Variants in RALB observed in about 807,000 individuals in gnomAD.
RALB encodes ras-related protein Ral-B.
A neutral mutation model predicts 21.3 loss-of-function variants in RALB; 16 were observed. The ratio of observed to expected loss-of-function variants is 0.75; its 90% CI spans 0.51 to 1.14. The LOEUF (loss-of-function observed/expected upper bound fraction) is 1.14, where lower values mean the gene tolerates loss of function less well. RALB is among the 50% of genes most tolerant of loss of function. RALB has a pLI of 0.00. For synonymous variants in RALB, 93 were observed against 96.1 expected, an observed-to-expected ratio of 0.97 and a Z score of 0.19; for missense variants, 161 against 256.2, an observed-to-expected ratio of 0.63 and a Z score of 2.54.
chr2:120,244,616 T>TCATCCATCCATCCATC (rs60555914), intron 1 of RALB, among the ~76,000 whole-genome samples: 1 of 152,060 alleles, frequency 6.6e-6, no homozygotes, highest in African/African-American at 2.4e-5. Flanking sequence ...AGCCATTCCC[T>TCATCCATCCATCCATC]CATCCATCCA....
At chr2:120,256,096 T>TTC (rs60370810) in intron 1 of RALB, among the ~76,000 whole-genome samples, 104,987 of 151,412 alleles carry the variant, frequency 0.69, 36,962 homozygotes, top group Middle Eastern at 0.8. Context: ...GTTTCTGAAG[T>TTC]TGAAATCTGG....
At chr2:120,284,502 G>C (rs2104651674) in intron 2 of RALB, among the ~76,000 whole-genome samples, 1 of 152,184 alleles carries the variant, frequency 6.6e-6, no homozygotes, top group East Asian at 1.9e-4. Flanking sequence ...AGGTTCAAGT[G>C]ATTCTCCTGC....
rs570144290 is a variant in RALB at position 120,273,182 on chromosome 2, A to G, written c.-47-5436A>G. Among the ~76,000 whole-genome samples, 8 of 152,152 alleles carry G rather than the reference A, an allele frequency of 5.3e-5. No homozygotes were observed. In the East Asian group the frequency reaches 1.2e-3, roughly 22 times the overall value. ...GTCAAATCAGTCTCCCTAAAGGCTCAGAGTTTAGAGTTTTTCAAGGATGTT... is the reference window on the plus strand; with the variant it reads ...GTCAAATCAGTCTCCCTAAAGGCTCGGAGTTTAGAGTTTTTCAAGGATGTT... On this transcript the variant is annotated intron_variant, in intron 1 of 4. Transcript: ENST00000272519.
intron 1 of RALB, among the ~76,000 whole-genome samples, chr2:120,273,646 A>G (rs1051308675): frequency 6.6e-6 from 1 of 152,240 alleles, no homozygotes; most frequent in African/African-American, 2.4e-5. Flanking sequence ...AATTCCTCTC[A>G]GGGTTGGTGT....
intron 2 of RALB, among the ~76,000 whole-genome samples, chr2:120,280,301 A>G (rs149980583): frequency 1.3e-5 from 2 of 152,308 alleles, no homozygotes; most frequent in African/African-American, 4.8e-5. Context: ...CATGGAACCA[A>G]CCCAAATGCC....
chr2:120,256,561 T>G (rs1422367978), intron 1 of RALB, among the ~76,000 whole-genome samples: 1 of 152,168 alleles, frequency 6.6e-6, no homozygotes, highest in African/African-American at 2.4e-5. Context: ...GCATTTCCCC[T>G]GCTGGCACTC....
chr2:120,259,917 G>A (rs1303035523), intron 1 of RALB, among the ~76,000 whole-genome samples: 1 of 152,226 alleles, frequency 6.6e-6, no homozygotes, highest in South Asian at 2.1e-4. Flanking sequence ...GCCAAGGCCC[G>A]GCGAGAAATC....
chr2:120,242,676 T>C (rs550615873), intron 1 of RALB, among the ~76,000 whole-genome samples: 26 of 152,258 alleles, frequency 1.7e-4, no homozygotes, highest in African/African-American at 6.0e-4. Flanking sequence ...AGGCAGAGCT[T>C]GCCGTGAGCT....
rs191218189 is a variant in RALB, at chr2:120,254,948, A to G, written c.-48+1968A>G. On this transcript the variant is annotated intron_variant, in intron 1 of 4. Coordinates refer to ENST00000272519, the MANE Select transcript of RALB (RefSeq NM_002881.3). Reference sequence around the variant, plus strand: ...ACCTTGGCCTCTCAAAGTGCTGGGGATCACAGGTGTGAGCCACCCCGTCTG... The same window carrying G: ...ACCTTGGCCTCTCAAAGTGCTGGGGGTCACAGGTGTGAGCCACCCCGTCTG... Among the ~76,000 whole-genome samples the G allele has an allele frequency of 6.7e-4, 102 of 152,330 alleles. 1 individual carries two copies. Among genetic ancestry groups the G allele is most frequent in the African/African-American group, 2.3e-3 (95 of 41,564 alleles).
In RALB at chr2:120,293,293, T is replaced by TA. The variant is rs749502162; in HGVS notation, c.*35dup. 2 of 1,596,942 alleles carry TA rather than the reference T, an allele frequency of 1.3e-6. No homozygotes were observed. The highest frequency in any genetic ancestry group is 1.7e-6 in the Non-Finnish European group (2 of 1,171,144). ...GGTGACGGATGAAGCCAGCTGCTCC[T>TA]AAGGACACAGGGCTGGGTTGGTAAA... is the stretch of plus-strand genomic sequence containing the variant. On this transcript the variant is annotated 3_prime_UTR_variant, in exon 5 of 5. Transcript: ENST00000272519.
intron 3 of RALB, 128 bp downstream of exon 3, chr2:120,286,210 C>T: frequency 4.2e-6 from 3 of 715,008 alleles, no homozygotes; most frequent in South Asian, 3.7e-5. Flanking sequence ...AGGAATAATT[C>T]TGTCTAAAGA....
At chr2:120,273,001 CAGTT>C (rs1213189341) in intron 1 of RALB, among the ~76,000 whole-genome samples, 4 of 152,324 alleles carry the variant, frequency 2.6e-5, no homozygotes, top group African/African-American at 2.4e-5. Flanking sequence ...GTGGCTTAAA[CAGTT>C]AGAAGTTTCT....
At chr2:120,259,817 G>A (rs1689310750) in intron 1 of RALB, among the ~76,000 whole-genome samples, 2 of 152,234 alleles carry the variant, frequency 1.3e-5, no homozygotes, top group African/African-American at 4.8e-5. Flanking sequence ...GCTCGTCGGG[G>A]AGGCTCGGGC....
intron 2 of RALB, among the ~76,000 whole-genome samples, chr2:120,282,438 A>G (rs918519875): frequency 4.6e-5 from 7 of 151,272 alleles, no homozygotes; most frequent in African/African-American, 1.5e-4. Context: ...AGATCGCACC[A>G]TTGCATTCCA....
At chr2:120,262,015 C>T (rs1241430674) in intron 1 of RALB, among the ~76,000 whole-genome samples, 2 of 152,054 alleles carry the variant, frequency 1.3e-5, no homozygotes, top group Non-Finnish European at 2.9e-5. Flanking sequence ...TTGAGAGGGG[C>T]CGAGCTTGGC....
intron 1 of RALB, among the ~76,000 whole-genome samples, chr2:120,265,526 T>G (rs953206197): frequency 2.6e-5 from 4 of 152,226 alleles, no homozygotes; most frequent in African/African-American, 9.6e-5. Flanking sequence ...GCCTATGCAT[T>G]TTTCTCCCTC....
chr2:120,253,403 C>G (rs1689112120), intron 1 of RALB: 4 of 985,468 alleles, frequency 4.1e-6, no homozygotes, highest in Non-Finnish European at 4.8e-6. Flanking sequence ...AACTTGCACG[C>G]GCCGTGAACT....
intron 1 of RALB, among the ~76,000 whole-genome samples, chr2:120,254,440 C>G (rs1297150705): frequency 6.6e-6 from 1 of 152,166 alleles, no homozygotes; most frequent in Non-Finnish European, 1.5e-5. Context: ...CCAGATTTCC[C>G]TCTGCCCGAG....
At chr2:120,257,291 A>G (rs995336538) in intron 1 of RALB, among the ~76,000 whole-genome samples, 2 of 152,206 alleles carry the variant, frequency 1.3e-5, no homozygotes, top group Non-Finnish European at 2.9e-5. Context: ...TTATTTTAAA[A>G]CTTTGGATAC....
Sources: gnomAD v4.1 joint callset for allele counts (sites outside exome capture counted in the v4.1 genomes callset) on GRCh38, gnomAD v4.1.1 for gene constraint, MANE v1.5 for transcripts, NCBI Gene and HGNC (gene_info 2026-07-23, HGNC 2026-07-21) for gene names.